Variants in PACRGL observed in about 807,000 individuals in gnomAD.
The protein encoded by PACRGL is parkin coregulated like.
In PACRGL, 38 loss-of-function variants were observed where a neutral mutation model predicts 34.5. The ratio of observed to expected loss-of-function variants is 1.10; its 90% confidence interval spans 0.85 to 1.44. The LOEUF is 1.44. Among genes scored for constraint, PACRGL ranks in the 40% most tolerant of loss-of-function variants. PACRGL has a pLI of 0.00. For synonymous variants in PACRGL, 128 were observed against 100.1 expected (o/e 1.28, Z -1.66); for missense variants, 305 against 281.4 (o/e 1.08, Z -0.60).
At chr4:20,756,004 C>T (rs562069784), downstream of PACRGL, among the ~76,000 whole-genome samples, 5 of 152,152 alleles carry the variant, frequency 3.3e-5, no homozygotes, top group South Asian at 6.2e-4. Context: ...GGTATGGTTT[C>T]GAACAGGCAG....
the PACRGL span, among the ~76,000 whole-genome samples, chr4:20,760,052 G>A: frequency 4.6e-5 from 7 of 152,212 alleles, no homozygotes; most frequent in East Asian, 1.9e-4. Flanking sequence ...TCAGAGGGGC[G>A]ACTATATTTA....
chr4:20,745,979 A>T (rs1320734449), intron 8 of PACRGL, among the ~76,000 whole-genome samples: 3 of 152,218 alleles, frequency 2.0e-5, no homozygotes, highest in Non-Finnish European at 2.9e-5. Flanking sequence ...CGATTCCTCA[A>T]GGATCTAGAA....
upstream of PACRGL, chr4:20,696,430 A>G (rs1731248168): frequency 6.6e-6 from 1 of 152,232 alleles, no homozygotes; most frequent in Non-Finnish European, 1.5e-5. Flanking sequence ...CAAAGTACGT[A>G]TATCCTAGCA....
intron 7 of PACRGL, among the ~76,000 whole-genome samples, chr4:20,716,493 C>T (rs569171775): frequency 6.6e-6 from 1 of 152,240 alleles, no homozygotes; most frequent in African/African-American, 2.4e-5. Context: ...TGGTATCCCT[C>T]CCCCGACAGG....
At chr4:20,699,948 A>T (rs1180965699), upstream of PACRGL, among the ~76,000 whole-genome samples, 1 of 152,212 alleles carries the variant, frequency 6.6e-6, no homozygotes, top group African/African-American at 2.4e-5. Flanking sequence ...AGATTCATAA[A>T]ATACGACAGG....
At chr4:20,742,830 CA>C (rs1382193526) in intron 8 of PACRGL, among the ~76,000 whole-genome samples, 1 of 152,072 alleles carries the variant, frequency 6.6e-6, no homozygotes, top group Non-Finnish European at 1.5e-5. Context: ...CGTCTCAGCC[CA>C]AAATCTCCTT....
Position 20,731,948 on chromosome 4 carries a change from T to TG in PACRGL, c.*4607_*4608insG, listed in dbSNP as rs1466229477. 6.2e-7 allele frequency: 1 copy of TG among 1,603,828 alleles called. No individual in the cohort carries two copies. Among genetic ancestry groups the TG allele is most frequent in the Non-Finnish European group, 8.5e-7 (1 of 1,175,684 alleles). On this transcript the variant is annotated 3_prime_UTR_variant, in exon 9 of 9. Coordinates refer to ENST00000503585, the MANE Select transcript of PACRGL (RefSeq NM_001258345.3). ...CCAGTTCATGGTAGCTAGCTGCTAATACTCAGTTTAGCTGTTATGATAGCT... is the reference window on the plus strand; with the variant it reads ...CCAGTTCATGGTAGCTAGCTGCTAATGACTCAGTTTAGCTGTTATGATAGCT...
In PACRGL at chr4:20,749,561, C is replaced by G. The variant is rs142394857; in HGVS notation, c.*57-3004C>G. Reference sequence around the variant, plus strand: ...GAGAAAGGGAGTGTCCTTGGGCTTTCTTTCCCCTGAGCAAAAATAATCATC... The same window carrying G: ...GAGAAAGGGAGTGTCCTTGGGCTTTGTTTCCCCTGAGCAAAAATAATCATC... On this transcript the variant is annotated intron_variant, in intron 8 of 8. Coordinates refer to the PACRGL transcript ENST00000507634. The G allele has an allele frequency of 1.4e-4, 109 of 763,674 alleles. 1 individual carries two copies. In the East Asian group the frequency reaches 3.0e-3, roughly 21 times the overall value. The allele number at this position is 763,674 out of a possible 1,614,324, so 47.3% of individuals were successfully genotyped here. A position where few individuals can be genotyped will look rare whatever the true frequency, so the allele number is the denominator to read the frequency against.
intron 8 of PACRGL, among the ~76,000 whole-genome samples, chr4:20,745,358 C>T (rs573253616): frequency 6.6e-6 from 1 of 152,272 alleles, no homozygotes; most frequent in East Asian, 1.9e-4. Flanking sequence ...GGTCTTAGAG[C>T]ACCTCTCTCT....
intron 8 of PACRGL, among the ~76,000 whole-genome samples, 164 bp from the exon 9 acceptor site, chr4:20,727,121 A>C (rs1282732271): frequency 1.3e-5 from 2 of 152,204 alleles, no homozygotes; most frequent in Non-Finnish European, 2.9e-5. Flanking sequence ...GAAACAGCCT[A>C]TATTTTATTT....
chr4:20,758,090 A>G, the PACRGL span, among the ~76,000 whole-genome samples: 1 of 152,174 alleles, frequency 6.6e-6, no homozygotes, highest in Non-Finnish European at 1.5e-5. Flanking sequence ...CACCTCATGC[A>G]TGGCTAGGCA....
At chr4:20,759,830 T>C in the PACRGL span, among the ~76,000 whole-genome samples, 17 of 152,188 alleles carry the variant, frequency 1.1e-4, 1 homozygote, top group South Asian at 3.1e-3. Flanking sequence ...GACAATCACA[T>C]GATAGCCCAG....
At position 20,729,903 on chromosome 4, in the gene PACRGL, GCAAATTTATAACTGAAAGCT is replaced by G; in HGVS notation, c.*2568_*2587del. 3.4e-6 allele frequency: 2 copies of G among 592,652 alleles called. No homozygotes were observed. Among genetic ancestry groups the G allele is most frequent in the South Asian group, 7.7e-5 (2 of 26,038 alleles). 36.7% of individuals were successfully genotyped at this position (592,652 alleles called of 1,614,324 possible). ...AACTCAGTGGCATTATGAAAAGGAT[GCAAATTTATAACTGAAAGCT>G]CAAATCTTTTGGGGATTGCTTTATA... On this transcript the variant is annotated 3_prime_UTR_variant, in exon 9 of 9. Transcript: ENST00000503585.
rs2149046736 is a variant in PACRGL, at chr4:20,704,667, T to C, written c.60T>C (p.Tyr20=). Residue 20 remains tyrosine (Y), a synonymous_variant, in exon 3 of 9, where the codon TAT becomes TAC. Coordinates refer to ENST00000503585, the MANE Select transcript of PACRGL (RefSeq NM_001258345.3). Reference sequence around the variant, plus strand: ...TGTTCTGTTTTTTTCCAGGTAACTATGATCAAAGGACATCATCAAGCACAC... The same window carrying C: ...TGTTCTGTTTTTTTCCAGGTAACTACGATCAAAGGACATCATCAAGCACAC... The part of the protein sequence containing the change: ...TQLKNRATGN[Y]DQRTSSSTQL... 6.2e-7 allele frequency: 1 copy of C among 1,614,092 alleles called. No individual in the cohort carries two copies. Among genetic ancestry groups the C allele is most frequent in the South Asian group, 1.1e-5 (1 of 91,082 alleles).
At chr4:20,737,907 A>G (rs6858843) in intron 8 of PACRGL, among the ~76,000 whole-genome samples, 76,542 of 151,960 alleles carry the variant, frequency 0.5, 19,722 homozygotes, top group African/African-American at 0.59. Context: ...GGAGGTGGGA[A>G]GGTTGTTTGA....
rs371899941 is a variant in PACRGL, at chr4:20,722,006, G to C, written c.610-2802G>C. On this transcript the variant is annotated intron_variant, in intron 7 of 8. Coordinates refer to ENST00000503585, the MANE Select transcript of PACRGL (RefSeq NM_001258345.3). ...AGCTTCCCAGCTGCTTTGTTTACCT[G>C]CTGAAACCTCAGCAATGGCGGGCGC... Among the ~76,000 whole-genome samples, 11 of 151,844 alleles carry C rather than the reference G, an allele frequency of 7.2e-5. No homozygotes were observed. In the East Asian group the frequency reaches 9.7e-4, roughly 13 times the overall value.
chr4:20,766,908 CTG>C, the PACRGL span: 21,168 of 151,582 alleles, frequency 0.14, 1,665 homozygotes, highest in East Asian at 0.19. Context: ...TTCAGGCAAA[CTG>C]TTTAATCTAA....
At chr4:20,713,409 C>A (rs986906573) in intron 6 of PACRGL, 23 bp from the exon 7 acceptor site, 5 of 1,578,856 alleles carry the variant, frequency 3.2e-6, no homozygotes, top group Non-Finnish European at 4.4e-6. Context: ...GTCCATACAT[C>A]CCCCAACTAA....
At chr4:20,739,276 T>G (rs1750471184) in intron 8 of PACRGL, among the ~76,000 whole-genome samples, 1 of 152,340 alleles carries the variant, frequency 6.6e-6, no homozygotes, top group Non-Finnish European at 1.5e-5. Flanking sequence ...ACAGACAGAC[T>G]GCCTCCTCAA....
Sources: gnomAD v4.1 joint callset for allele counts (sites outside exome capture counted in the v4.1 genomes callset) on GRCh38, gnomAD v4.1.1 for gene constraint, MANE v1.5 for transcripts, NCBI Gene and HGNC (gene_info 2026-07-23, HGNC 2026-07-21) for gene names.